Variants in CA10 observed in about 807,000 individuals in gnomAD.
CA10 encodes carbonic anhydrase-related protein 10.
In CA10, 14 loss-of-function variants were observed where a neutral mutation model predicts 44.2. The observed-to-expected ratio is 0.32, with a 90% confidence interval of 0.21 to 0.50. The LOEUF (loss-of-function observed/expected upper bound fraction) is 0.50, where lower values mean the gene tolerates loss of function less well. Among genes scored for constraint, CA10 ranks in the 20% least tolerant of loss-of-function variants. The pLI is 0.99. For missense variants in CA10, 350 were observed against 409.7 expected, an observed-to-expected ratio of 0.85 and a Z score of 1.26; for synonymous variants, 159 against 141.6, an observed-to-expected ratio of 1.12 and a Z score of -0.87.
intron 2 of CA10, among the ~76,000 whole-genome samples, chr17:51,958,083 C>T (rs1983734923): frequency 6.6e-6 from 1 of 152,102 alleles, no homozygotes; most frequent in Non-Finnish European, 1.5e-5. Flanking sequence ...GTCGTGCCTT[C>T]AATCTGTGGC....
intron 3 of CA10, among the ~76,000 whole-genome samples, chr17:51,806,319 T>C (rs1198751027): frequency 6.6e-6 from 1 of 152,254 alleles, no homozygotes; most frequent in Non-Finnish European, 1.5e-5. Context: ...TGATTAAATG[T>C]GACCCATTTT....
At chr17:51,934,150 G>C (rs918097607) in intron 2 of CA10, among the ~76,000 whole-genome samples, 2 of 152,032 alleles carry the variant, frequency 1.3e-5, no homozygotes, top group African/African-American at 4.8e-5. Context: ...TTTACCCCTG[G>C]ATGGCTGATT....
intron 2 of CA10, among the ~76,000 whole-genome samples, chr17:52,054,125 G>T (rs533258247): frequency 1.3e-5 from 2 of 152,160 alleles, no homozygotes; most frequent in African/African-American, 4.8e-5. Flanking sequence ...TGAGCCAGGC[G>T]GAACAGAGTC....
chr17:51,696,080 C>T (rs983701639), intron 4 of CA10, among the ~76,000 whole-genome samples: 8 of 152,050 alleles, frequency 5.3e-5, no homozygotes, highest in Non-Finnish European at 1.2e-4. Context: ...TATTTCGTTG[C>T]AGATTTTTAC....
intron 2 of CA10, among the ~76,000 whole-genome samples, chr17:52,054,770 C>G (rs753837212): frequency 1.3e-5 from 2 of 151,408 alleles, no homozygotes; most frequent in Non-Finnish European, 2.9e-5. Flanking sequence ...GAATTTCCCC[C>G]GATAGATATG....
At chr17:51,930,286 CT>C (rs1982600010) in intron 3 of CA10, among the ~76,000 whole-genome samples, 1 of 151,134 alleles carries the variant, frequency 6.6e-6, no homozygotes, top group Admixed American at 6.6e-5. Flanking sequence ...TTTTTTTTAC[CT>C]TTAACAACCT....
intron 4 of CA10, among the ~76,000 whole-genome samples, chr17:51,712,954 G>T (rs1915990599): frequency 6.6e-6 from 1 of 152,160 alleles, no homozygotes; most frequent in South Asian, 2.1e-4. Context: ...TCTGTGACTT[G>T]GTGTTCCCAC....
At chr17:51,701,209 T>C (rs1915589923) in intron 4 of CA10, among the ~76,000 whole-genome samples, 2 of 152,190 alleles carry the variant, frequency 1.3e-5, no homozygotes, top group South Asian at 4.1e-4. Flanking sequence ...CTGGCAATCC[T>C]TGGTGTTCCT....
intron 6 of CA10, among the ~76,000 whole-genome samples, chr17:51,636,436 GT>G (rs1208221574): frequency 6.6e-6 from 1 of 152,222 alleles, no homozygotes; most frequent in Admixed American, 6.5e-5. Context: ...TTGTGCTCAT[GT>G]TTTGGTAGCC....
At chr17:51,861,226 G>A (rs895372251) in intron 3 of CA10, among the ~76,000 whole-genome samples, 3 of 152,154 alleles carry the variant, frequency 2.0e-5, no homozygotes, top group African/African-American at 7.2e-5. Context: ...TTTGCTTCAA[G>A]CAAAGTGTTG....
chr17:52,141,610 C>CAAT, intron 1 of CA10, among the ~76,000 whole-genome samples: 1 of 152,178 alleles, frequency 6.6e-6, no homozygotes. Context: ...AAGCCCTAGA[C>CAAT]AATACATCAA....
chr17:51,712,435 G>A (rs1915970175), intron 4 of CA10, among the ~76,000 whole-genome samples: 1 of 152,166 alleles, frequency 6.6e-6, no homozygotes, highest in African/African-American at 2.4e-5. Flanking sequence ...TAGTAATTTA[G>A]CTTTTTCTCA....
intron 1 of CA10, among the ~76,000 whole-genome samples, chr17:52,110,255 C>A (rs1400281731): frequency 6.6e-6 from 1 of 152,186 alleles, no homozygotes; most frequent in Admixed American, 6.5e-5. Context: ...GCCTGTTAAA[C>A]TGTAAGTTCC....
intron 6 of CA10, among the ~76,000 whole-genome samples, chr17:51,636,571 G>A (rs1912836357): frequency 6.6e-6 from 1 of 152,164 alleles, no homozygotes; most frequent in Non-Finnish European, 1.5e-5. Context: ...TGTTTGAGGA[G>A]TCCTTGATTC....
chr17:51,672,435 C>T (rs1597976393), intron 4 of CA10, among the ~76,000 whole-genome samples: 1 of 152,204 alleles, frequency 6.6e-6, no homozygotes, highest in Admixed American at 6.5e-5. Flanking sequence ...AGGCATTGTA[C>T]TTGGTGTTTT....
chr17:52,110,092 G>A (rs1393736), intron 1 of CA10, among the ~76,000 whole-genome samples: 98,374 of 152,060 alleles, frequency 0.65, 34,125 homozygotes, highest in African/African-American at 0.9. Context: ...CATGAGTCCA[G>A]CTGAAAAAAT....
At chr17:51,806,284 T>A (rs1907133470) in intron 3 of CA10, among the ~76,000 whole-genome samples, 1 of 152,240 alleles carries the variant, frequency 6.6e-6, no homozygotes, top group African/African-American at 2.4e-5. Flanking sequence ...TCTATGTGGC[T>A]GAATTCAGTT....
chr17:52,107,616 A>AT (rs1988688710), intron 1 of CA10, among the ~76,000 whole-genome samples: 1 of 152,128 alleles, frequency 6.6e-6, no homozygotes. Flanking sequence ...GATTCTTATA[A>AT]TTTGGGGGGG....
intron 2 of CA10, among the ~76,000 whole-genome samples, chr17:52,007,295 A>G (rs1256019179): frequency 6.6e-6 from 1 of 151,574 alleles, no homozygotes; most frequent in Non-Finnish European, 1.5e-5. Context: ...AGCCTTGAAT[A>G]TCTTATATCT....
Sources: allele counts gnomAD v4.1 joint callset (sites outside exome capture counted in the v4.1 genomes callset), GRCh38; gene constraint gnomAD v4.1.1; transcripts MANE v1.5; gene names NCBI Gene and HGNC (gene_info 2026-07-23, HGNC 2026-07-21).